Variants in GRM5 observed in about 807,000 individuals in gnomAD.
GRM5 encodes the protein metabotropic glutamate receptor 5.
A neutral mutation model predicts 83.1 loss-of-function variants in GRM5; 19 were observed. The observed-to-expected ratio is 0.23, with a 90% CI of 0.16 to 0.34. The LOEUF is 0.34. Among genes scored for constraint, GRM5 ranks in the 10% least tolerant of loss-of-function variants. The probability of loss-of-function intolerance (pLI) is 1.00; values close to 1 mark genes in which losing one functional copy is unlikely to be tolerated. For missense variants in GRM5, 1,160 were observed against 1,588.3 expected, an observed-to-expected ratio of 0.73 and a Z score of 4.58; for synonymous variants, 675 against 633.6, an observed-to-expected ratio of 1.07 and a Z score of -0.98.
intron 8 of GRM5, among the ~76,000 whole-genome samples, chr11:88,547,936 C>G (rs1490400249): frequency 6.6e-6 from 1 of 152,184 alleles, no homozygotes; most frequent in Non-Finnish European, 1.5e-5. Flanking sequence ...CCAGATATAT[C>G]TCTATGCCTA....
intron 3 of GRM5, among the ~76,000 whole-genome samples, chr11:88,660,993 A>C (rs1268676274): frequency 6.6e-6 from 1 of 152,198 alleles, no homozygotes; most frequent in Non-Finnish European, 1.5e-5. Flanking sequence ...TCACTGAACA[A>C]GTATTGTGTA....
chr11:88,659,303 G>C lies in GRM5; in HGVS notation c.912-5900C>G, dbSNP rs1939844052. Among the ~76,000 whole-genome samples, 3 of 152,138 alleles carry C rather than the reference G, an allele frequency of 2.0e-5. No homozygotes were observed. In the South Asian group the frequency reaches 6.2e-4, roughly 32 times the overall value. ...TATGAGTTGGGATCTGTGATGTTCA[G>C]ATTTATCTTTATACGATCTCTCACA... On this transcript the variant is annotated intron_variant, in intron 3 of 9. Coordinates refer to ENST00000305447, the MANE Select transcript of GRM5 (RefSeq NM_001143831.3).
intron 3 of GRM5, among the ~76,000 whole-genome samples, chr11:88,677,930 T>C (rs1321692607): frequency 6.6e-6 from 1 of 152,032 alleles, no homozygotes; most frequent in African/African-American, 2.4e-5. Context: ...TTACCAACAG[T>C]TGGGCTCCAC....
At chr11:88,623,707 A>G (rs1254107441) in intron 4 of GRM5, among the ~76,000 whole-genome samples, 1 of 152,328 alleles carries the variant, frequency 6.6e-6, no homozygotes. Flanking sequence ...CAAAAGAATG[A>G]TCAGTATTTA....
chr11:88,755,556 T>A (rs1752159509), intron 3 of GRM5, among the ~76,000 whole-genome samples: 1 of 152,154 alleles, frequency 6.6e-6, no homozygotes, highest in South Asian at 2.1e-4. Flanking sequence ...GATGTTAGCA[T>A]GATTTTGTTG....
intron 8 of GRM5, among the ~76,000 whole-genome samples, chr11:88,528,654 A>T (rs1210438563): frequency 6.6e-6 from 1 of 152,108 alleles, no homozygotes; most frequent in Non-Finnish European, 1.5e-5. Flanking sequence ...CATACTTGTA[A>T]GGCACTGTTT....
At chr11:88,775,569 G>A (rs1306645454) in intron 3 of GRM5, among the ~76,000 whole-genome samples, 1 of 152,036 alleles carries the variant, frequency 6.6e-6, no homozygotes, top group East Asian at 1.9e-4. Context: ...TTTCTCTTGT[G>A]GGCATTTAGT....
intron 3 of GRM5, among the ~76,000 whole-genome samples, chr11:88,679,169 A>C (rs1263917655): frequency 6.6e-6 from 1 of 152,192 alleles, no homozygotes; most frequent in Non-Finnish European, 1.5e-5. Context: ...ATTAAGTTTC[A>C]GTTGCACTGA....
intron 2 of GRM5, chr11:88,912,201 C>T (rs551481429): frequency 4.2e-4 from 83 of 197,624 alleles, no homozygotes; most frequent in Admixed American, 9.3e-4. Context: ...AGGTATTCCG[C>T]ATCAAGATAA....
At chr11:88,625,763 C>T (rs1407007353) in intron 4 of GRM5, among the ~76,000 whole-genome samples, 1 of 151,780 alleles carries the variant, frequency 6.6e-6, no homozygotes. Flanking sequence ...GCATATAGCC[C>T]CAATTCTAAA....
At position 88,682,709 on chromosome 11, in the gene GRM5, A is replaced by G. The variant is rs575579137; in HGVS notation, c.912-29306T>C. On this transcript the variant is annotated intron_variant, in intron 3 of 9. Transcript: ENST00000305447. Reference sequence around the variant, plus strand: ...TGATGCTTTGTTTATATTTCTGTTAATGCAGTTCTCTCTAATCATAGTAAG... The same window carrying G: ...TGATGCTTTGTTTATATTTCTGTTAGTGCAGTTCTCTCTAATCATAGTAAG... Among the ~76,000 whole-genome samples, 5 of 152,220 alleles carry G rather than the reference A, an allele frequency of 3.3e-5. No individual in the cohort carries two copies. In the East Asian group the frequency reaches 5.8e-4, roughly 18 times the overall value.
chr11:88,647,317 T>A (rs1939488214), intron 4 of GRM5, among the ~76,000 whole-genome samples: 1 of 151,992 alleles, frequency 6.6e-6, no homozygotes, highest in Non-Finnish European at 1.5e-5. Context: ...CAAGTGGTAA[T>A]TCAACCCAGT....
chr11:88,982,089 A>G (rs1157618867), intron 2 of GRM5, among the ~76,000 whole-genome samples: 2 of 152,236 alleles, frequency 1.3e-5, no homozygotes, highest in Admixed American at 1.3e-4. Flanking sequence ...GGTATTGGGT[A>G]ACCAATATTT....
At chr11:89,030,964 T>G (rs1352634386) in intron 2 of GRM5, among the ~76,000 whole-genome samples, 4 of 151,826 alleles carry the variant, frequency 2.6e-5, no homozygotes, top group Non-Finnish European at 5.9e-5. Context: ...ATTGGAAGAG[T>G]TGAAATAAAA....
intron 8 of GRM5, among the ~76,000 whole-genome samples, chr11:88,556,132 C>A (rs1384788064): frequency 6.6e-6 from 1 of 152,002 alleles, no homozygotes; most frequent in East Asian, 1.9e-4. Flanking sequence ...CAATGATTTC[C>A]TAGTAGTTCA....
chr11:88,870,154 A>C (rs1944738601), intron 2 of GRM5, among the ~76,000 whole-genome samples: 1 of 151,470 alleles, frequency 6.6e-6, no homozygotes, highest in African/African-American at 2.4e-5. Flanking sequence ...ACAGATATGG[A>C]CATAAAGTAT....
chr11:89,007,280 A>T (rs1397233594), intron 2 of GRM5, among the ~76,000 whole-genome samples: 1 of 152,124 alleles, frequency 6.6e-6, no homozygotes, highest in Non-Finnish European at 1.5e-5. Flanking sequence ...ACCCCAGGAG[A>T]GTAGTGAATA....
intron 2 of GRM5, among the ~76,000 whole-genome samples, chr11:88,853,320 CAATT>C (rs1392901497): frequency 7.9e-5 from 12 of 151,764 alleles, no homozygotes; most frequent in African/African-American, 2.7e-4. Flanking sequence ...TTTACAATGA[CAATT>C]AAAGAGAAAG....
chr11:88,526,584 G>A (rs1249974838), intron 8 of GRM5, among the ~76,000 whole-genome samples: 1 of 152,046 alleles, frequency 6.6e-6, no homozygotes, highest in African/African-American at 2.4e-5. Flanking sequence ...GATAAAGGGA[G>A]TTACTATAAT....
Sources: allele counts gnomAD v4.1 joint callset (sites outside exome capture counted in the v4.1 genomes callset), GRCh38; gene constraint gnomAD v4.1.1; transcripts MANE v1.5; gene names NCBI Gene and HGNC (gene_info 2026-07-23, HGNC 2026-07-21).